The following FGFR1 variants were observed in gnomAD, a reference collection of about 807,000 sequenced individuals.
FGFR1 encodes fibroblast growth factor receptor 1.
Under a neutral mutation model 93.7 loss-of-function variants are expected in FGFR1, and 18 were observed. That is an observed-to-expected ratio of 0.19 (90% CI 0.13 to 0.28). FGFR1 has a LOEUF of 0.28. Among genes scored for constraint, FGFR1 ranks in the 10% least tolerant of loss-of-function variants. FGFR1 has a pLI of 1.00. For synonymous variants in FGFR1, 448 were observed against 429.3 expected (o/e 1.04, Z -0.54); for missense variants, 731 against 1,080.4 (o/e 0.68, Z 4.53).
intron 2 of FGFR1, among the ~76,000 whole-genome samples, chr8:38,438,755 T>C (rs1826303968): frequency 6.6e-6 from 1 of 152,076 alleles, no homozygotes; most frequent in Non-Finnish European, 1.5e-5. Context: ...CACAGTGTCT[T>C]GACTTCCCCA....
rs113408336 is a variant in FGFR1, at chr8:38,426,545, A to G, written c.622-300T>C. Among the ~76,000 whole-genome samples the G allele has an allele frequency of 5.5e-3, 844 of 152,234 alleles. 8 individuals are homozygous for G. The highest frequency in any genetic ancestry group is 0.018 in the African/African-American group (759 of 41,536). On this transcript the variant is annotated intron_variant, in intron 5 of 17. Coordinates refer to ENST00000447712, the MANE Select transcript of FGFR1 (RefSeq NM_023110.3). This position sits in a 1 kb window ranked among gnomAD's most constrained non-coding sequence, Gnocchi z 4.1. ...CCCAAATACACCAAGAATGTTCCCAACTGTGCACCTCTCCTATTACACTAA... is the reference window on the plus strand; with the variant it reads ...CCCAAATACACCAAGAATGTTCCCAGCTGTGCACCTCTCCTATTACACTAA...
intron 2 of FGFR1, among the ~76,000 whole-genome samples, chr8:38,441,299 G>A (rs1000249757): frequency 7.2e-5 from 11 of 152,096 alleles, no homozygotes; most frequent in Non-Finnish European, 1.6e-4. Context: ...TTCCCCTAGG[G>A]ATTTTGCCAC....
intron 8 of FGFR1, among the ~76,000 whole-genome samples, chr8:38,421,464 G>T (rs1453201835): frequency 1.9e-4 from 29 of 152,176 alleles, no homozygotes; most frequent in Admixed American, 1.9e-3. Context: ...AGCGGAGGGG[G>T]GAGGCTGCTG....
At position 38,429,061 on chromosome 8, in the gene FGFR1, C is replaced by G. The variant is rs977856935; in HGVS notation, c.358+621G>C. The G allele has an allele frequency of 2.9e-6, 1 of 349,276 alleles. No homozygotes were observed. Among genetic ancestry groups the G allele is most frequent in the South Asian group, 2.2e-5 (1 of 46,128 alleles). 21.6% of individuals were successfully genotyped at this position (349,276 alleles called of 1,614,324 possible). On this transcript the variant is annotated intron_variant, in intron 3 of 17. Coordinates refer to ENST00000447712, the MANE Select transcript of FGFR1 (RefSeq NM_023110.3). This position sits in a 1 kb window ranked among gnomAD's most constrained non-coding sequence, Gnocchi z 4.4. ...ATGCCAGATCTTTCTCCAGTCCTTCCTATCACCTTTGGGGATCTGCTGCCA... is the reference window on the plus strand; with the variant it reads ...ATGCCAGATCTTTCTCCAGTCCTTCGTATCACCTTTGGGGATCTGCTGCCA...
chr8:38,465,920 C>G (rs966417450), intron 1 of FGFR1: 2 of 225,860 alleles, frequency 8.9e-6, no homozygotes, highest in Non-Finnish European at 1.8e-5. Flanking sequence ...AGAGAAAGTG[C>G]GATTTCATTA....
intron 1 of FGFR1, among the ~76,000 whole-genome samples, chr8:38,458,166 C>T (rs1029289709): frequency 6.6e-6 from 1 of 152,050 alleles, no homozygotes; most frequent in East Asian, 1.9e-4. Context: ...ATAGTTCTGC[C>T]CTTTTGTGGG....
At chr8:38,466,636 C>G (rs1166234790) in intron 1 of FGFR1, 1 of 228,456 alleles carries the variant, frequency 4.4e-6, no homozygotes, top group Non-Finnish European at 8.7e-6. Context: ...ATCTCCAAGT[C>G]TCCAGAAATG....
Position 38,424,445 on chromosome 8 carries a change from G to C in FGFR1, c.936+64C>G, listed in dbSNP as rs1820000722. ...CAACTGAGCCTGCCCACAGGAACTT[G>C]AGCCCCCGAGACAGTGGTCTCCTTC... is the stretch of plus-strand genomic sequence containing the variant. On this transcript the variant is annotated intron_variant, in intron 7 of 17. Coordinates refer to ENST00000447712, the MANE Select transcript of FGFR1 (RefSeq NM_023110.3). This position sits in a 1 kb window ranked among gnomAD's most constrained non-coding sequence, Gnocchi z 4.3. 6.3e-7 allele frequency: 1 copy of C among 1,589,066 alleles called. No individual in the cohort carries two copies. The highest frequency in any genetic ancestry group is 1.3e-5 in the African/African-American group (1 of 74,492).
chr8:38,438,956 C>A (rs1826382005), intron 2 of FGFR1, among the ~76,000 whole-genome samples: 2 of 152,192 alleles, frequency 1.3e-5, no homozygotes, highest in South Asian at 4.1e-4. Context: ...AAAATGCACT[C>A]TCCTGCCCCT....
chr8:38,417,724 C>T, intron 11 of FGFR1, 146 bp downstream of exon 11: 1 of 1,111,858 alleles, frequency 9.0e-7, no homozygotes, highest in Non-Finnish European at 1.4e-6. Flanking sequence ...GCAGAACACC[C>T]CCTCCACTCC....
At position 38,426,024 on chromosome 8, in the gene FGFR1, C is replaced by T. The variant is rs1820639822; in HGVS notation, c.745+98G>A. The T allele has an allele frequency of 6.4e-7, 1 of 1,557,458 alleles. No individual in the cohort carries two copies. Among genetic ancestry groups the T allele is most frequent in the Non-Finnish European group, 8.8e-7 (1 of 1,133,578 alleles). ...AAGCCAAGAAGTGCCAATCGCTATC[C>T]TGACTCTGCCCCTAAGAAACCTGGA... On this transcript the variant is annotated intron_variant, in intron 6 of 17. Transcript: ENST00000447712. This position sits in a 1 kb window ranked among gnomAD's most constrained non-coding sequence, Gnocchi z 4.1.
At chr8:38,449,777 A>G (rs1440700920) in intron 2 of FGFR1, among the ~76,000 whole-genome samples, 1 of 152,230 alleles carries the variant, frequency 6.6e-6, no homozygotes, top group Admixed American at 6.5e-5. Flanking sequence ...GCCTGAAACC[A>G]GCTACACGGA....
In FGFR1 at chr8:38,424,597, G is replaced by A. The variant is rs1554562012; in HGVS notation, c.848C>T (p.Pro283Leu). ...VEFMCKVYSD[P>L]QPHIQWLKHI... is the part of the protein sequence containing the mutation. ...CTTTAGCCACTGGATGTGCGGCTGCGGGTCACTGTACACCTTACACATGAA... is the reference window on the plus strand; with the variant it reads ...CTTTAGCCACTGGATGTGCGGCTGCAGGTCACTGTACACCTTACACATGAA... The change falls in exon 7 of 18, where the codon CCG becomes CTG. Residue 283 changes from proline (P) to leucine (L), a missense_variant. By Grantham distance (98) the Pro-to-Leu change is moderately conservative. Around this residue, in one of 10 missense-constraint regions of FGFR1, gnomAD observed 109 missense variants for 249.4 expected, o/e 0.44. Transcript: ENST00000447712. The surrounding 1 kb of genome is among the most constrained non-coding windows in gnomAD (Gnocchi z 4.3). The A allele has an allele frequency of 6.2e-7, 1 of 1,614,200 alleles. No homozygotes were observed. Among genetic ancestry groups the A allele is most frequent in the Non-Finnish European group, 8.5e-7 (1 of 1,180,040 alleles).
At chr8:38,453,756 G>A (rs945032147) in intron 2 of FGFR1, among the ~76,000 whole-genome samples, 1 of 152,140 alleles carries the variant, frequency 6.6e-6, no homozygotes, top group African/African-American at 2.4e-5. Flanking sequence ...GCCAGGCATA[G>A]TGGTGAGCAC....
At chr8:38,462,407 G>A (rs1049962689) in intron 1 of FGFR1, among the ~76,000 whole-genome samples, 1 of 151,850 alleles carries the variant, frequency 6.6e-6, no homozygotes, top group Admixed American at 6.6e-5. Context: ...AGGAGGCTGA[G>A]GCAGGAGAAT....
chr8:38,425,290 G>A (rs933223649), intron 6 of FGFR1, among the ~76,000 whole-genome samples: 3 of 152,208 alleles, frequency 2.0e-5, no homozygotes, highest in Non-Finnish European at 2.9e-5. Context: ...GGTACTACAA[G>A]TACATGACAC....
chr8:38,431,810 A>G (rs756251704), intron 2 of FGFR1, among the ~76,000 whole-genome samples: 1 of 152,230 alleles, frequency 6.6e-6, no homozygotes, highest in East Asian at 1.9e-4. Flanking sequence ...AACACCACAA[A>G]GGTGAGTAGA....
intron 7 of FGFR1, chr8:38,422,329 C>G (rs1406481734): frequency 2.2e-6 from 1 of 445,828 alleles, no homozygotes; most frequent in Non-Finnish European, 4.2e-6. Context: ...TGCAGACACA[C>G]ACATGCACAC....
At chr8:38,418,461 C>A (rs561437585) in intron 9 of FGFR1, 88 bp from the exon 10 acceptor site, 1 of 1,439,274 alleles carries the variant, frequency 6.9e-7, no homozygotes. Context: ...CCAACAATGG[C>A]AGAGGCACAT....
Sources: allele counts gnomAD v4.1 joint callset (sites outside exome capture counted in the v4.1 genomes callset), GRCh38; gene constraint gnomAD v4.1.1; regional missense constraint gnomAD v4.1.1; non-coding constraint Gnocchi (gnomAD v3.1); transcripts MANE v1.5; gene names NCBI Gene and HGNC (gene_info 2026-07-23, HGNC 2026-07-21).